The following OSBPL3 variants were observed in gnomAD, a reference collection of about 807,000 sequenced individuals.
OSBPL3 encodes oxysterol binding protein like 3, also known as oxysterol-binding protein-related protein 3.
Under a neutral mutation model 120.1 loss-of-function variants are expected in OSBPL3, and 65 were observed. The observed-to-expected ratio is 0.54, with a 90% CI of 0.44 to 0.67. The LOEUF (loss-of-function observed/expected upper bound fraction) is 0.67, where lower values mean the gene tolerates loss of function less well. Ranked by LOEUF, OSBPL3 falls within the 30% of genes least tolerant of loss-of-function variation. The probability of loss-of-function intolerance (pLI) is 0.00; values close to 1 mark genes in which losing one functional copy is unlikely to be tolerated. For missense variants in OSBPL3, 1,004 were observed against 1,082.1 expected (o/e 0.93, Z 1.01); for synonymous variants, 416 against 402.6 (o/e 1.03, Z -0.40).
At chr7:24,869,293 T>A (rs543048920) in intron 5 of OSBPL3, among the ~76,000 whole-genome samples, 4 of 152,334 alleles carry the variant, frequency 2.6e-5, no homozygotes, top group African/African-American at 9.6e-5. Context: ...AGTGGGTAAA[T>A]AAGAACCTAT....
In OSBPL3 at chr7:24,879,497, T is replaced by C. The variant is rs372280607; in HGVS notation, c.97-7428A>G. Among the ~76,000 whole-genome samples the C allele has an allele frequency of 6.6e-6, 1 of 152,162 alleles. No individual in the cohort carries two copies. The highest frequency in any genetic ancestry group is 2.4e-5 in the African/African-American group (1 of 41,426). On this transcript the variant is annotated intron_variant, in intron 2 of 22. Transcript: ENST00000313367. The surrounding 1 kb of genome is among the most constrained non-coding windows in gnomAD (Gnocchi z 5.6). ...TATCCAGATAATTCAGGCCCCAGAATGTTTCAAGTCTTACTACTTGGTTAG... is the reference window on the plus strand; with the variant it reads ...TATCCAGATAATTCAGGCCCCAGAACGTTTCAAGTCTTACTACTTGGTTAG...
Position 24,820,363 on chromosome 7 carries a change from T to C in OSBPL3, c.1885-125A>G. 1 of 661,560 alleles carries C rather than the reference T, an allele frequency of 1.5e-6. No homozygotes were observed. The highest frequency in any genetic ancestry group is 1.8e-5 in the South Asian group (1 of 56,470). 41.0% of individuals were successfully genotyped at this position (661,560 alleles called of 1,614,324 possible). On this transcript the variant is annotated intron_variant, in intron 16 of 22. Coordinates refer to ENST00000313367, the MANE Select transcript of OSBPL3 (RefSeq NM_015550.4). This position sits in a 1 kb window ranked among gnomAD's most constrained non-coding sequence, Gnocchi z 4.6. The stretch of plus-strand genomic sequence containing the variant: ...TGCTGAACTGAAGGAAAAACTTCTT[T>C]AGTTTCCCTCATCAAGTGTGTCCTC...
In OSBPL3 at chr7:24,863,754, G is replaced by A. The variant is rs1312533841; in HGVS notation, c.674-155C>T. On this transcript the variant is annotated intron_variant, in intron 7 of 22. Coordinates refer to ENST00000313367, the MANE Select transcript of OSBPL3 (RefSeq NM_015550.4). The surrounding 1 kb of genome is among the most constrained non-coding windows in gnomAD (Gnocchi z 5.8). ...ATTTTACTTCCTTTTTTACAGGAAA[G>A]GCTGTAGACTCTAGTGGTTAAGGGC... Among the ~76,000 whole-genome samples, 1 of 152,044 alleles carries A rather than the reference G, an allele frequency of 6.6e-6. No individual in the cohort carries two copies. The highest frequency in any genetic ancestry group is 1.5e-5 in the Non-Finnish European group (1 of 68,012).
chr7:24,864,432 G>A (rs973914204), intron 7 of OSBPL3, among the ~76,000 whole-genome samples: 3 of 152,124 alleles, frequency 2.0e-5, no homozygotes, highest in South Asian at 2.1e-4. Flanking sequence ...ATAAGTTCCC[G>A]GGTGGACGCT....
In OSBPL3 at chr7:24,817,662, G is replaced by A. The variant is rs940635942; in HGVS notation, c.1949-974C>T. 1.3e-5 allele frequency among the ~76,000 whole-genome samples: 2 copies of A among 152,212 alleles called. No individual in the cohort carries two copies. Among genetic ancestry groups the A allele is most frequent in the African/African-American group, 4.8e-5 (2 of 41,448 alleles). ...GGAAGCCATATGGAGAATGGAACAG[G>A]AGTAGGAGAGAGGAGAAGCAAGGCG... On this transcript the variant is annotated intron_variant, in intron 17 of 22. Transcript: ENST00000313367. The surrounding 1 kb of genome is among the most constrained non-coding windows in gnomAD (Gnocchi z 4.0).
rs558039127 is a variant in OSBPL3 at position 24,834,448 on chromosome 7, C to T, written c.1746+38G>A. On this transcript the variant is annotated intron_variant, in intron 15 of 22. Coordinates refer to ENST00000313367, the MANE Select transcript of OSBPL3 (RefSeq NM_015550.4). This position sits in a 1 kb window ranked among gnomAD's most constrained non-coding sequence, Gnocchi z 5.2. ...GTGAATGGCCTCGTGGCTTGGGGACCGAGGCTGGACAGTGGCAAGGGAAGG... is the reference window on the plus strand; with the variant it reads ...GTGAATGGCCTCGTGGCTTGGGGACTGAGGCTGGACAGTGGCAAGGGAAGG... 8.9e-6 allele frequency: 14 copies of T among 1,576,752 alleles called. No individual in the cohort carries two copies. The highest frequency in any genetic ancestry group is 8.2e-5 in the South Asian group (7 of 84,874).
rs894192397 is a variant in OSBPL3 at position 24,899,556 on chromosome 7, G to A, written c.-149-6935C>T. On this transcript the variant is annotated intron_variant, in intron 1 of 22. Coordinates refer to ENST00000313367, the MANE Select transcript of OSBPL3 (RefSeq NM_015550.4). This position sits in a 1 kb window ranked among gnomAD's most constrained non-coding sequence, Gnocchi z 4.0. ...TATTTCTGGAGACCAATGGTCACTG[G>A]CTGACTTCTTTGTTACGGCATACAT... is the stretch of plus-strand genomic sequence containing the variant. Among the ~76,000 whole-genome samples, 1 of 151,926 alleles carries A rather than the reference G, an allele frequency of 6.6e-6. No homozygotes were observed.
chr7:24,809,927 G>A lies in OSBPL3; in HGVS notation c.2197C>T (p.His733Tyr), dbSNP rs758979418. 1 of 1,613,976 alleles carries A rather than the reference G, an allele frequency of 6.2e-7. No individual in the cohort carries two copies. Residue 733 changes from histidine to tyrosine, a missense_variant, in exon 20 of 23, where the codon CAT becomes TAT. His to Tyr is a moderately conservative substitution (Grantham distance 83). Around this residue, in one of 4 missense-constraint regions of OSBPL3, gnomAD observed 473 missense variants for 568.0 expected, o/e 0.83. Transcript: ENST00000313367. ...IKAKYWSTNA[H>Y]EIEGTVFDRS... Reference sequence around the variant, plus strand: ...TCAAACACTGTGCCTTCAATCTCATGGGCATTAGTGCTCCAGTATTTTGCC... The same window carrying A: ...TCAAACACTGTGCCTTCAATCTCATAGGCATTAGTGCTCCAGTATTTTGCC...
At position 24,872,449 on chromosome 7, in the gene OSBPL3, G is replaced by T. The variant is rs1272299758; in HGVS notation, c.97-380C>A. Among the ~76,000 whole-genome samples, 3 of 9,474 alleles carry T rather than the reference G, an allele frequency of 3.2e-4. No individual in the cohort carries two copies. The highest frequency in any genetic ancestry group is 9.1e-4 in the African/African-American group (3 of 3,290). The allele number at this position is 9,474 out of a possible 152,430, so 6.2% of individuals were successfully genotyped here. On this transcript the variant is annotated intron_variant, in intron 2 of 22. Transcript: ENST00000313367. The surrounding 1 kb of genome is among the most constrained non-coding windows in gnomAD (Gnocchi z 4.1). The stretch of plus-strand genomic sequence containing the variant: ...CAGTCTGAATTTTAACCGAAAGAGA[G>T]TGTGTGTGTGTGTGTGTGTGTGTGT...
intron 16 of OSBPL3, among the ~76,000 whole-genome samples, chr7:24,823,103 G>A (rs952864650): frequency 6.6e-6 from 1 of 152,150 alleles, no homozygotes; most frequent in African/African-American, 2.4e-5. Flanking sequence ...GGGAACGAGG[G>A]AAAGGTTTTT....
At position 24,815,278 on chromosome 7, in the gene OSBPL3, T is replaced by C; in HGVS notation, c.2028-75A>G. On this transcript the variant is annotated intron_variant, in intron 18 of 22. Coordinates refer to ENST00000313367, the MANE Select transcript of OSBPL3 (RefSeq NM_015550.4). The surrounding 1 kb of genome is among the most constrained non-coding windows in gnomAD (Gnocchi z 5.1). ...CAAATGCAAACAAACTCTGCTCTTT[T>C]ATAAAATAAGTCATGCAATGCATTA... 1 of 1,216,570 alleles carries C rather than the reference T, an allele frequency of 8.2e-7. No homozygotes were observed. Among genetic ancestry groups the C allele is most frequent in the Non-Finnish European group, 1.2e-6 (1 of 837,056 alleles). 75.4% of individuals were successfully genotyped at this position (1,216,570 alleles called of 1,614,324 possible).
In OSBPL3 at chr7:24,902,518, A is replaced by G. The variant is rs147911349; in HGVS notation, c.-149-9897T>C. Among the ~76,000 whole-genome samples, 197 of 152,210 alleles carry G rather than the reference A, an allele frequency of 1.3e-3. 1 individual carries two copies. The highest frequency in any genetic ancestry group is 2.0e-3 in the Non-Finnish European group (137 of 67,996). ...ATGCTGATGCAATGAACAAACTTGTATCTGCTCCCCATGAGGCTGTGATGA... is the reference window on the plus strand; with the variant it reads ...ATGCTGATGCAATGAACAAACTTGTGTCTGCTCCCCATGAGGCTGTGATGA... On this transcript the variant is annotated intron_variant, in intron 1 of 22. Coordinates refer to ENST00000313367, the MANE Select transcript of OSBPL3 (RefSeq NM_015550.4).
At position 24,871,935 on chromosome 7, in the gene OSBPL3, G is replaced by C. The variant is rs1802178544; in HGVS notation, c.213+18C>G. On this transcript the variant is annotated intron_variant, in intron 3 of 22. Transcript: ENST00000313367. The surrounding 1 kb of genome is among the most constrained non-coding windows in gnomAD (Gnocchi z 4.8). ...GCAGTGTGAGTGCAAATAAAGGGGA[G>C]GCCAAGACCAACCTTACCTTATGCC... The C allele has an allele frequency of 6.4e-7, 1 of 1,569,846 alleles. No homozygotes were observed. The highest frequency in any genetic ancestry group is 1.4e-5 in the African/African-American group (1 of 74,018).
At chr7:24,962,002 C>A (rs536110030) in intron 1 of OSBPL3, among the ~76,000 whole-genome samples, 4 of 152,242 alleles carry the variant, frequency 2.6e-5, no homozygotes, top group African/African-American at 9.6e-5. Context: ...AGCACATCAA[C>A]CTTCCTGTTG....
At chr7:24,948,640 C>T (rs933434173) in intron 1 of OSBPL3, among the ~76,000 whole-genome samples, 1 of 152,156 alleles carries the variant, frequency 6.6e-6, no homozygotes, top group African/African-American at 2.4e-5. Context: ...ATTCCCAAAT[C>T]ATCTATTAAA....
intron 2 of OSBPL3, among the ~76,000 whole-genome samples, chr7:24,874,881 C>T (rs950647087): frequency 4.6e-5 from 7 of 152,156 alleles, no homozygotes; most frequent in Non-Finnish European, 1.0e-4. Context: ...TCCCTGTCAC[C>T]GTCCATGAGT....
rs555797689 is a variant in OSBPL3 at position 24,872,446 on chromosome 7, A to AGTGTGTGTGTGTGT, written c.97-378_97-377insACACACACACACAC. On this transcript the variant is annotated intron_variant, in intron 2 of 22. Coordinates refer to ENST00000313367, the MANE Select transcript of OSBPL3 (RefSeq NM_015550.4). This position sits in a 1 kb window ranked among gnomAD's most constrained non-coding sequence, Gnocchi z 4.1. ...CTTCAGTCTGAATTTTAACCGAAAG[A>AGTGTGTGTGTGTGT]GAGTGTGTGTGTGTGTGTGTGTGTG... Among the ~76,000 whole-genome samples, 5 of 83,388 alleles carry AGTGTGTGTGTGTGT rather than the reference A, an allele frequency of 6.0e-5. No individual in the cohort carries two copies. Among genetic ancestry groups the AGTGTGTGTGTGTGT allele is most frequent in the African/African-American group, 2.2e-4 (5 of 22,380 alleles). The allele number at this position is 83,388 out of a possible 152,430, so 54.7% of individuals were successfully genotyped here. A position where few individuals can be genotyped will look rare whatever the true frequency, so the allele number is the denominator to read the frequency against.
At chr7:24,845,443 GTA>G (rs973182718) in intron 12 of OSBPL3, among the ~76,000 whole-genome samples, 2 of 117,810 alleles carry the variant, frequency 1.7e-5, no homozygotes, top group Non-Finnish European at 1.6e-5. Flanking sequence ...GTATTTGTGT[GTA>G]TGTGTGTGTG....
At chr7:24,931,253 A>AC (rs1811756332) in intron 1 of OSBPL3, among the ~76,000 whole-genome samples, 1 of 152,234 alleles carries the variant, frequency 6.6e-6, no homozygotes, top group Non-Finnish European at 1.5e-5. Context: ...GTGAAAAGAG[A>AC]TAATTTGGGA....
Sources: gnomAD v4.1 joint callset for allele counts (sites outside exome capture counted in the v4.1 genomes callset) on GRCh38, gnomAD v4.1.1 for gene constraint, gnomAD v4.1.1 regional missense constraint, Gnocchi (gnomAD v3.1) non-coding constraint, MANE v1.5 for transcripts, NCBI Gene and HGNC (gene_info 2026-07-23, HGNC 2026-07-21) for gene names.